Variants in DPP6 observed in about 807,000 individuals in gnomAD.
DPP6 encodes A-type potassium channel modulatory protein DPP6.
DPP6 carries 69 observed loss-of-function variants against 122.6 expected under a neutral mutation model. The observed-to-expected ratio is 0.56, with a 90% CI of 0.46 to 0.69. The LOEUF (loss-of-function observed/expected upper bound fraction) is 0.69, where lower values mean the gene tolerates loss of function less well. DPP6 is among the 30% of genes least tolerant of loss of function. DPP6 has a pLI of 0.00. For missense variants in DPP6, 928 were observed against 1,116.9 expected, an observed-to-expected ratio of 0.83 and a Z score of 2.41; for synonymous variants, 418 against 433.1, an observed-to-expected ratio of 0.97 and a Z score of 0.43.
At chr7:154,701,308 T>C (rs1840514432) in intron 7 of DPP6, among the ~76,000 whole-genome samples, 1 of 152,212 alleles carries the variant, frequency 6.6e-6, no homozygotes, top group African/African-American at 2.4e-5. Context: ...CCACGCAGGC[T>C]GTGGTCCAGT....
chr7:154,682,004 A>G (rs1220147564), intron 7 of DPP6, among the ~76,000 whole-genome samples: 1 of 152,214 alleles, frequency 6.6e-6, no homozygotes, highest in African/African-American at 2.4e-5. Flanking sequence ...TTCTCAACAA[A>G]TACTTGTGAA....
chr7:153,921,982 G>A (rs983764333), intron 1 of DPP6, among the ~76,000 whole-genome samples: 5 of 152,208 alleles, frequency 3.3e-5, no homozygotes, highest in African/African-American at 1.2e-4. Flanking sequence ...TCTGCCTACT[G>A]CATGGGAACA....
chr7:153,753,976 CT>C, the DPP6 span, among the ~76,000 whole-genome samples: 4 of 152,150 alleles, frequency 2.6e-5, no homozygotes, highest in Non-Finnish European at 5.9e-5. Context: ...TGTGAAAAAG[CT>C]GATGAAGTGT....
intron 7 of DPP6, among the ~76,000 whole-genome samples, chr7:154,709,520 C>T (rs562134495): frequency 1.5e-4 from 23 of 151,548 alleles, no homozygotes; most frequent in African/African-American, 5.6e-4. Flanking sequence ...ATGCTCAGCT[C>T]GAAGTTTATT....
intron 4 of DPP6, among the ~76,000 whole-genome samples, chr7:154,544,729 G>A (rs1364109612): frequency 5.3e-5 from 8 of 152,134 alleles, no homozygotes; most frequent in Admixed American, 1.3e-4. Flanking sequence ...CAGGAGTGTC[G>A]TAGGACTGAA....
At position 154,261,610 on chromosome 7, in the gene DPP6, G is replaced by T. The variant is rs138195025; in HGVS notation, c.244-184604G>T. ...CAGCAGAATAAACAGAAAACCCACAGAGTGGGGGAAAATCTTCACAATCTA... is the reference window on the plus strand; with the variant it reads ...CAGCAGAATAAACAGAAAACCCACATAGTGGGGGAAAATCTTCACAATCTA... On this transcript the variant is annotated intron_variant, in intron 1 of 25. Transcript: ENST00000377770. Among the ~76,000 whole-genome samples the T allele has an allele frequency of 3.5e-4, 54 of 152,266 alleles. No individual in the cohort carries two copies. In the East Asian group the frequency reaches 9.1e-3, roughly 26 times the overall value.
the DPP6 span, among the ~76,000 whole-genome samples, chr7:153,835,044 C>A: frequency 3.9e-5 from 6 of 152,102 alleles, no homozygotes; most frequent in African/African-American, 1.4e-4. Context: ...TGTAGGTGCC[C>A]CCTCATTCTT....
At chr7:153,780,004 T>C in the DPP6 span, among the ~76,000 whole-genome samples, 1 of 151,638 alleles carries the variant, frequency 6.6e-6, no homozygotes, top group Non-Finnish European at 1.5e-5. Context: ...GTTGGGGTAA[T>C]GTCTAAAGTT....
intron 5 of DPP6, among the ~76,000 whole-genome samples, chr7:154,623,720 A>G (rs573761310): frequency 1.3e-5 from 2 of 152,316 alleles, no homozygotes; most frequent in African/African-American, 4.8e-5. Context: ...AACAACAGAA[A>G]ACAATTTAGC....
At chr7:154,374,492 C>A (rs933800408) in intron 1 of DPP6, among the ~76,000 whole-genome samples, 3 of 152,180 alleles carry the variant, frequency 2.0e-5, no homozygotes, top group Admixed American at 1.3e-4. Flanking sequence ...TGTGCATTCC[C>A]CGATGGCAAC....
intron 1 of DPP6, among the ~76,000 whole-genome samples, chr7:154,197,954 C>A (rs1008958176): frequency 1.3e-4 from 20 of 152,134 alleles, no homozygotes; most frequent in Non-Finnish European, 2.1e-4. Flanking sequence ...GGCCTCCCTC[C>A]CACAGCAGCT....
chr7:154,502,123 C>T (rs563235582), intron 3 of DPP6, among the ~76,000 whole-genome samples: 11 of 152,228 alleles, frequency 7.2e-5, no homozygotes, highest in African/African-American at 1.4e-4. Flanking sequence ...TTGGAATGGC[C>T]GTATTTACCC....
rs1175270526 is a variant in DPP6, at chr7:154,883,877, A to AT, written c.2134-1755dup. On this transcript the variant is annotated intron_variant, in intron 21 of 25. Coordinates refer to ENST00000377770, the MANE Select transcript of DPP6 (RefSeq NM_130797.4). ...CTCACATGATTACACATGCTCCCACATACATACATGCTCACACACATTACA... is the reference window on the plus strand; with the variant it reads ...CTCACATGATTACACATGCTCCCACATTACATACATGCTCACACACATTACA... 2.2e-3 allele frequency: 152 copies of AT among 68,052 alleles called. 1 individual carries two copies. Among genetic ancestry groups the AT allele is most frequent in the Middle Eastern group, 0.012 (1 of 82 alleles). 4.2% of individuals were successfully genotyped at this position (68,052 alleles called of 1,614,324 possible). A position where few individuals can be genotyped will look rare whatever the true frequency, so the allele number is the denominator to read the frequency against.
intron 2 of DPP6, among the ~76,000 whole-genome samples, chr7:154,466,927 T>C (rs10274008): frequency 0.12 from 18,356 of 152,192 alleles, 3,627 homozygotes; most frequent in African/African-American, 0.41. Context: ...AACACTGAAA[T>C]CATCTGAATG....
the DPP6 span, among the ~76,000 whole-genome samples, chr7:153,767,240 T>A: frequency 6.6e-6 from 1 of 152,232 alleles, no homozygotes; most frequent in South Asian, 2.1e-4. Flanking sequence ...CTTCTACCAG[T>A]TACATTATAG....
chr7:153,986,005 A>G (rs1391534617), intron 1 of DPP6, among the ~76,000 whole-genome samples: 1 of 152,006 alleles, frequency 6.6e-6, no homozygotes, highest in African/African-American at 2.4e-5. Context: ...TTGTTTTAAA[A>G]CCCTCCAGAG....
chr7:154,734,079 T>G (rs766569084), intron 8 of DPP6, among the ~76,000 whole-genome samples: 6 of 152,216 alleles, frequency 3.9e-5, no homozygotes, highest in Non-Finnish European at 8.8e-5. Context: ...TCGACGCAGA[T>G]GAAGAAAATC....
At chr7:154,611,627 G>A (rs1025506366) in intron 5 of DPP6, among the ~76,000 whole-genome samples, 1 of 152,034 alleles carries the variant, frequency 6.6e-6, no homozygotes, top group African/African-American at 2.4e-5. Flanking sequence ...TTCTAATAGT[G>A]CTAACACTTT....
chr7:153,997,852 G>T (rs1474753239), intron 1 of DPP6, among the ~76,000 whole-genome samples: 1 of 151,624 alleles, frequency 6.6e-6, no homozygotes, highest in Non-Finnish European at 1.5e-5. Flanking sequence ...GAGGAGAAAA[G>T]AATAGAGAAG....
Sources: allele counts gnomAD v4.1 joint callset (sites outside exome capture counted in the v4.1 genomes callset), GRCh38; gene constraint gnomAD v4.1.1; transcripts MANE v1.5; gene names NCBI Gene and HGNC (gene_info 2026-07-23, HGNC 2026-07-21).